The following UBE2U variants were observed in gnomAD, a reference collection of about 807,000 sequenced individuals.
UBE2U encodes ubiquitin conjugating enzyme E2 U, also known as ubiquitin-conjugating enzyme E2 U.
UBE2U carries 39 observed loss-of-function variants against 41.2 expected under a neutral mutation model. That is an observed-to-expected ratio of 0.95 (90% CI 0.73 to 1.24). UBE2U has a LOEUF of 1.24. Among genes scored for constraint, UBE2U ranks in the 50% most tolerant of loss-of-function variants. The pLI, the probability that UBE2U is intolerant of heterozygous loss-of-function variation, is 0.00. For synonymous variants in UBE2U, 107 were observed against 117.8 expected (o/e 0.91, Z 0.60); for missense variants, 336 against 363.1 (o/e 0.93, Z 0.61).
chr1:64,205,658 T>C lies in UBE2U; in HGVS notation c.86T>C (p.Val29Ala). The C allele has an allele frequency of 6.2e-7, 1 of 1,613,156 alleles. No homozygotes were observed. Among genetic ancestry groups the C allele is most frequent in the South Asian group, 1.1e-5 (1 of 90,936 alleles). Reference protein sequence around the residue: ...NNYKGITAKPVSEDMMEWEVE... With the variant: ...NNYKGITAKPASEDMMEWEVE... ...TTCAAGGGTATCACTGCTAAGCCTG[T>C]AAGTGAAGATATGATGGAATGGGAA... The change falls in exon 2 of 10, where the codon GTA (valine) becomes GCA (alanine). Residue 29 changes from valine (V) to alanine (A), a missense_variant. Transcript: ENST00000371077.
chr1:64,210,713 G>A (rs1379385943), intron 3 of UBE2U, 29 bp from the exon 4 acceptor site: 1 of 1,301,054 alleles, frequency 7.7e-7, no homozygotes, highest in Non-Finnish European at 1.0e-6. Context: ...TATTATAAAT[G>A]CAAATATTAA....
At chr1:64,235,345 A>G (rs1471731044) in intron 7 of UBE2U, among the ~76,000 whole-genome samples, 1 of 152,124 alleles carries the variant, frequency 6.6e-6, no homozygotes, top group African/African-American at 2.4e-5. Context: ...TCTTCTAGGG[A>G]ATTGTTATAA....
chr1:64,206,661 CTG>C, intron 2 of UBE2U, 101 bp from the exon 3 acceptor site: 1 of 673,914 alleles, frequency 1.5e-6, no homozygotes. Flanking sequence ...AAAAATAAAA[CTG>C]TGGAAAGACT....
chr1:64,239,429 T>C (rs1461995814), intron 7 of UBE2U, among the ~76,000 whole-genome samples: 1 of 152,086 alleles, frequency 6.6e-6, no homozygotes, highest in Non-Finnish European at 1.5e-5. Flanking sequence ...TGCAGGTTTG[T>C]TACATATGCA....
At chr1:64,240,694 G>A (rs752004409) in intron 7 of UBE2U, among the ~76,000 whole-genome samples, 2 of 152,076 alleles carry the variant, frequency 1.3e-5, no homozygotes, top group African/African-American at 4.8e-5. Context: ...TGATGTCTTG[G>A]TTTTATATGA....
At chr1:64,225,266 G>A (rs1199633006) in intron 6 of UBE2U, among the ~76,000 whole-genome samples, 1 of 152,178 alleles carries the variant, frequency 6.6e-6, no homozygotes, top group Non-Finnish European at 1.5e-5. Context: ...AAAAAATTGG[G>A]AGAGTAATGT....
At chr1:64,205,791 T>G in intron 2 of UBE2U, 71 bp downstream of exon 2, 1 of 1,279,690 alleles carries the variant, frequency 7.8e-7, no homozygotes, top group Non-Finnish European at 1.1e-6. Context: ...CCTCTTTTTA[T>G]GTAGGATAAG....
intron 6 of UBE2U, among the ~76,000 whole-genome samples, chr1:64,223,311 C>T (rs1222483703): frequency 1.3e-5 from 2 of 152,138 alleles, no homozygotes; most frequent in Non-Finnish European, 2.9e-5. Context: ...AGATGTTCCT[C>T]TTCTGAAAGG....
intron 4 of UBE2U, among the ~76,000 whole-genome samples, chr1:64,213,357 C>G (rs1233999847): frequency 6.6e-6 from 1 of 152,152 alleles, no homozygotes; most frequent in Non-Finnish European, 1.5e-5. Context: ...CTCAGTCTGT[C>G]CAGCAAGCAG....
chr1:64,227,428 G>C (rs1652949035), intron 6 of UBE2U, among the ~76,000 whole-genome samples: 1 of 152,150 alleles, frequency 6.6e-6, no homozygotes, highest in African/African-American at 2.4e-5. Flanking sequence ...AAGACTCATG[G>C]TATAAGATCA....
chr1:64,253,494 A>G (rs930321413), intron 8 of UBE2U, among the ~76,000 whole-genome samples: 1 of 152,178 alleles, frequency 6.6e-6, no homozygotes, highest in Non-Finnish European at 1.5e-5. Context: ...TGAAGGAAAA[A>G]ATGTTCAGGG....
chr1:64,260,567 T>C (rs1224600101), intron 8 of UBE2U, 36 bp from the exon 9 acceptor site: 1 of 1,499,146 alleles, frequency 6.7e-7, no homozygotes, highest in East Asian at 2.5e-5. Context: ...TTACCAAAAT[T>C]CATTTGGGAA....
chr1:64,249,111 G>C (rs916670111), intron 8 of UBE2U, among the ~76,000 whole-genome samples: 1 of 151,754 alleles, frequency 6.6e-6, no homozygotes. Context: ...GGTGGCTCAC[G>C]CCTGTTAGTT....
At position 64,220,276 on chromosome 1, in the gene UBE2U, A is replaced by AAG. The variant is rs1002037405; in HGVS notation, c.458-570_458-569dup. On this transcript the variant is annotated intron_variant, in intron 5 of 9. Transcript: ENST00000371077. ...AGAGAGAGAGAGAGCAAGTGCAAGC[A>AAG]AGAGAGAGAGAGAGCACTGCTAATA... Among the ~76,000 whole-genome samples the AAG allele has an allele frequency of 1.1e-3, 173 of 151,348 alleles. 1 individual carries two copies. Among genetic ancestry groups the AAG allele is most frequent in the African/African-American group, 3.9e-3 (162 of 41,312 alleles).
intron 8 of UBE2U, among the ~76,000 whole-genome samples, chr1:64,245,832 C>T (rs1441588432): frequency 6.6e-6 from 1 of 152,098 alleles, no homozygotes; most frequent in African/African-American, 2.4e-5. Flanking sequence ...CAACCCCTGA[C>T]GCCCCAGACA....
intron 3 of UBE2U, among the ~76,000 whole-genome samples, chr1:64,209,679 G>A (rs1163072505): frequency 9.0e-5 from 7 of 77,860 alleles, no homozygotes; most frequent in African/African-American, 2.9e-4. Context: ...TTCAACCCCC[G>A]CCCCCGCCCG....
chr1:64,213,635 A>C (rs2100275542), intron 4 of UBE2U, among the ~76,000 whole-genome samples: 1 of 152,330 alleles, frequency 6.6e-6, no homozygotes, highest in South Asian at 2.1e-4. Context: ...AGCATACCAA[A>C]GACAATGCTG....
chr1:64,260,530 T>C (rs1645164484), intron 8 of UBE2U, 73 bp from the exon 9 acceptor site: 1 of 1,137,174 alleles, frequency 8.8e-7, no homozygotes, highest in Non-Finnish European at 1.2e-6. Flanking sequence ...TTTGTTTCAC[T>C]TATTTTTCTC....
intron 6 of UBE2U, among the ~76,000 whole-genome samples, chr1:64,226,303 T>C (rs961032632): frequency 8.5e-5 from 13 of 152,226 alleles, no homozygotes; most frequent in Non-Finnish European, 1.5e-4. Flanking sequence ...TATATGAAGT[T>C]CTAGGACAGG....
Sources: allele counts gnomAD v4.1 joint callset (sites outside exome capture counted in the v4.1 genomes callset), GRCh38; gene constraint gnomAD v4.1.1; transcripts MANE v1.5; gene names NCBI Gene and HGNC (gene_info 2026-07-23, HGNC 2026-07-21).